RAPGEF2: variants seen among roughly 807,000 people sequenced by gnomAD.
RAPGEF2 encodes Rap guanine nucleotide exchange factor 2.
Under a neutral mutation model 186.7 loss-of-function variants are expected in RAPGEF2, and 54 were observed. The observed-to-expected ratio is 0.29, with a 90% CI of 0.23 to 0.36. The LOEUF is 0.36. Among genes scored for constraint, RAPGEF2 ranks in the 10% least tolerant of loss-of-function variants. The pLI is 1.00. For synonymous variants in RAPGEF2, 712 were observed against 705.9 expected (o/e 1.01, Z -0.14); for missense variants, 1,532 against 2,045.0 (o/e 0.75, Z 4.84).
At chr4:159,173,259 C>A (rs1048058478) in intron 1 of RAPGEF2, among the ~76,000 whole-genome samples, 13 of 152,086 alleles carry the variant, frequency 8.5e-5, no homozygotes, top group Admixed American at 6.6e-5. Context: ...AAGAGTACTT[C>A]TTTTTTGCTA....
chr4:159,283,627 G>C lies in RAPGEF2; in HGVS notation c.544-20715G>C, dbSNP rs544030801. 1.3e-3 allele frequency among the ~76,000 whole-genome samples: 198 copies of C among 152,240 alleles called. 1 individual carries two copies. The highest frequency in any genetic ancestry group is 4.7e-3 in the African/African-American group (195 of 41,542). On this transcript the variant is annotated intron_variant, in intron 7 of 29. Transcript: ENST00000691494. ...CATCTTAGAGTGTCAGGTTAATAAT[G>C]GGCATCTGTATGAAGATGTGGAGAT...
intron 7 of RAPGEF2, among the ~76,000 whole-genome samples, chr4:159,289,345 G>A (rs1345358095): frequency 6.6e-6 from 1 of 152,176 alleles, no homozygotes; most frequent in Non-Finnish European, 1.5e-5. Flanking sequence ...GTTGAGTTCA[G>A]AAGTTTTGTC....
At chr4:159,193,136 GT>G in intron 2 of RAPGEF2, 63 bp from the exon 3 acceptor site, 1 of 969,918 alleles carries the variant, frequency 1.0e-6, no homozygotes, top group Non-Finnish European at 1.4e-6. Context: ...TCATTTAAGG[GT>G]TTAAAATACC....
intron 1 of RAPGEF2, among the ~76,000 whole-genome samples, chr4:159,179,060 C>G (rs1746752482): frequency 6.6e-6 from 1 of 152,148 alleles, no homozygotes. Flanking sequence ...AGTCTACTTT[C>G]AAGTAGCATC....
intron 1 of RAPGEF2, among the ~76,000 whole-genome samples, chr4:159,142,393 A>G (rs1256498542): frequency 6.6e-6 from 1 of 152,170 alleles, no homozygotes; most frequent in African/African-American, 2.4e-5. Context: ...TCCTACTAGT[A>G]CATTGGCAAG....
At chr4:159,166,816 CA>C (rs1745370377) in intron 1 of RAPGEF2, among the ~76,000 whole-genome samples, 1 of 151,856 alleles carries the variant, frequency 6.6e-6, no homozygotes, top group African/African-American at 2.4e-5. Flanking sequence ...AGAAGGGGTC[CA>C]AAAAGGTTTC....
intron 7 of RAPGEF2, chr4:159,267,446 A>G (rs1757555438): frequency 4.0e-6 from 3 of 758,578 alleles, no homozygotes; most frequent in African/African-American, 1.8e-5. Context: ...TGAGGGACAG[A>G]CATCATTAAA....
intron 29 of RAPGEF2, 89 bp downstream of exon 29, chr4:159,356,247 C>T (rs1731990055): frequency 2.3e-6 from 3 of 1,319,882 alleles, no homozygotes; most frequent in Non-Finnish European, 3.1e-6. Context: ...CTTAACACTG[C>T]AGTCAGCTAT....
chr4:159,293,529 A>C (rs1761515811), intron 7 of RAPGEF2, among the ~76,000 whole-genome samples: 2 of 152,238 alleles, frequency 1.3e-5, no homozygotes, highest in Admixed American at 1.3e-4. Flanking sequence ...AGTCCCATGA[A>C]ATAGGATGTT....
intron 1 of RAPGEF2, among the ~76,000 whole-genome samples, chr4:159,153,451 T>A (rs1320481195): frequency 6.6e-6 from 1 of 152,118 alleles, no homozygotes; most frequent in Non-Finnish European, 1.5e-5. Flanking sequence ...AAAAGAAAAA[T>A]GAGACTCAGA....
chr4:159,104,076 G>A lies in RAPGEF2; in HGVS notation c.-87G>A, dbSNP rs1737498164. The A allele has an allele frequency of 1.1e-5, 9 of 792,720 alleles. No homozygotes were observed. The highest frequency in any genetic ancestry group is 1.9e-5 in the African/African-American group (1 of 53,756). 49.1% of individuals were successfully genotyped at this position (792,720 alleles called of 1,614,324 possible). ...AGTCGCGGGCGGGCGGGCGGGCGCA[G>A]CGCGCAGGGCGGAGGCAGCAGCGGC... On this transcript the variant is annotated 5_prime_UTR_variant, in exon 1 of 30. Transcript: ENST00000691494.
chr4:159,268,339 G>A (rs1757690644), intron 7 of RAPGEF2: 9 of 700,616 alleles, frequency 1.3e-5, no homozygotes, highest in Non-Finnish European at 2.1e-5. Flanking sequence ...AGTCTGCTTG[G>A]AGAGGAGGGG....
intron 1 of RAPGEF2, among the ~76,000 whole-genome samples, chr4:159,138,790 A>G (rs181840786): frequency 9.8e-4 from 149 of 152,358 alleles, no homozygotes; most frequent in African/African-American, 3.2e-3. Context: ...TCACTGGAGC[A>G]TAAAACTCTT....
rs187283887 is a variant in RAPGEF2 at position 159,175,755 on chromosome 4, G to A, written c.70-10887G>A. On this transcript the variant is annotated intron_variant, in intron 1 of 29. Coordinates refer to ENST00000691494, the MANE Select transcript of RAPGEF2 (RefSeq NM_001394067.2). Reference sequence around the variant, plus strand: ...CAGAATTATTTCAGCCTGTATAGGTGTGAGTTTTCTGAAGCCGTAACACAC... The same window carrying A: ...CAGAATTATTTCAGCCTGTATAGGTATGAGTTTTCTGAAGCCGTAACACAC... 2.2e-3 allele frequency among the ~76,000 whole-genome samples: 332 copies of A among 152,322 alleles called. 2 individuals carry two copies. Among genetic ancestry groups the A allele is most frequent in the African/African-American group, 7.4e-3 (308 of 41,572 alleles).
chr4:159,254,037 A>T (rs574288470), intron 7 of RAPGEF2, among the ~76,000 whole-genome samples: 1 of 152,240 alleles, frequency 6.6e-6, no homozygotes, highest in Non-Finnish European at 1.5e-5. Flanking sequence ...ACCATTGTAC[A>T]TTGTAACAAA....
chr4:159,249,708 T>TA (rs532387582), intron 7 of RAPGEF2, among the ~76,000 whole-genome samples: 186 of 152,158 alleles, frequency 1.2e-3, no homozygotes, highest in African/African-American at 4.0e-3. Flanking sequence ...ACTTTTTTTT[T>TA]AAAAACTGAT....
chr4:159,319,512 G>T (rs1029616121), intron 9 of RAPGEF2, among the ~76,000 whole-genome samples: 3 of 151,388 alleles, frequency 2.0e-5, no homozygotes, highest in Non-Finnish European at 4.4e-5. Context: ...ATATATGATT[G>T]GTTATAAAAT....
chr4:159,153,585 G>A (rs1377381233), intron 1 of RAPGEF2, among the ~76,000 whole-genome samples: 1 of 152,198 alleles, frequency 6.6e-6, no homozygotes, highest in Non-Finnish European at 1.5e-5. Flanking sequence ...ACTGAACACT[G>A]TGAGAGTCTC....
rs1765518420 is a variant in RAPGEF2 at position 159,323,530 on chromosome 4, G to C, written c.1062G>C (p.Leu354=). Residue 354 remains leucine (L), a synonymous_variant, in exon 11 of 30, where the codon CTG becomes CTC. Transcript: ENST00000691494. ...ATCCAGATGGAAAAGCAGAAATACT[G>C]TGCATGGGAAATAGTTTTGGTGTCT... is the stretch of plus-strand genomic sequence containing the variant. ...VTYPDGKAEI[L]CMGNSFGVSP... is the part of the protein sequence containing the mutation. 6.2e-7 allele frequency: 1 copy of C among 1,613,274 alleles called. No individual in the cohort carries two copies. The highest frequency in any genetic ancestry group is 1.3e-5 in the African/African-American group (1 of 74,954).
Sources: gnomAD v4.1 joint callset for allele counts (sites outside exome capture counted in the v4.1 genomes callset) on GRCh38, gnomAD v4.1.1 for gene constraint, MANE v1.5 for transcripts, NCBI Gene and HGNC (gene_info 2026-07-23, HGNC 2026-07-21) for gene names.